The following CD96 variants were observed in gnomAD, a reference collection of about 807,000 sequenced individuals.
CD96 encodes CD96 molecule, also known as T-cell surface protein tactile.
CD96 carries 70 observed loss-of-function variants against 71.3 expected under a neutral mutation model. The ratio of observed to expected loss-of-function variants is 0.98; its 90% confidence interval spans 0.81 to 1.20. The LOEUF is 1.20. Among genes scored for constraint, CD96 ranks in the 50% most tolerant of loss-of-function variants. CD96 has a pLI of 0.00. For synonymous variants in CD96, 248 were observed against 233.0 expected (o/e 1.06, Z -0.59); for missense variants, 742 against 677.5 (o/e 1.10, Z -1.06).
At chr3:111,594,213 T>G in intron 5 of CD96, 1 of 1,574,346 alleles carries the variant, frequency 6.4e-7, no homozygotes, top group Non-Finnish European at 8.6e-7. Flanking sequence ...TCACCTCTTC[T>G]ACAGCGTTCT....
At chr3:111,616,024 G>A (rs749980406) in intron 8 of CD96, among the ~76,000 whole-genome samples, 5 of 152,036 alleles carry the variant, frequency 3.3e-5, no homozygotes, top group Admixed American at 2.6e-4. Context: ...CCTTCTCGAT[G>A]AGGTACTCCA....
At chr3:111,659,517 G>A (rs1049705567) in intron 14 of CD96, among the ~76,000 whole-genome samples, 7 of 152,088 alleles carry the variant, frequency 4.6e-5, no homozygotes, top group Non-Finnish European at 1.0e-4. Flanking sequence ...TCTTAACACT[G>A]CTTTGGCTGC....
At chr3:111,643,735 C>CAAAAAAAAAA (rs56078551) in intron 12 of CD96, among the ~76,000 whole-genome samples, 1 of 128,240 alleles carries the variant, frequency 7.8e-6, no homozygotes, top group African/African-American at 3.0e-5. Context: ...ACAATAGCTG[C>CAAAAAAAAAA]AAAAAAAAAA....
intron 2 of CD96, among the ~76,000 whole-genome samples, chr3:111,548,279 G>C (rs1245798178): frequency 6.6e-6 from 1 of 152,176 alleles, no homozygotes; most frequent in Non-Finnish European, 1.5e-5. Context: ...TCACAACACA[G>C]TGTGTGTCTA....
chr3:111,647,807 A>G, intron 13 of CD96, 141 bp downstream of exon 13: 1 of 682,410 alleles, frequency 1.5e-6, no homozygotes, highest in Admixed American at 2.2e-5. Flanking sequence ...GAGAGATTAT[A>G]TAGCTTTCCC....
chr3:111,582,240 G>A (rs945684645), intron 4 of CD96, among the ~76,000 whole-genome samples: 2 of 152,168 alleles, frequency 1.3e-5, no homozygotes, highest in Non-Finnish European at 2.9e-5. Flanking sequence ...GCTAGTGGCT[G>A]TAGCAGGCAC....
At chr3:111,579,892 A>G (rs1936390485) in intron 4 of CD96, among the ~76,000 whole-genome samples, 1 of 152,222 alleles carries the variant, frequency 6.6e-6, no homozygotes, top group Non-Finnish European at 1.5e-5. Context: ...TCAAACCATA[A>G]CAGACAGAAC....
At chr3:111,553,182 T>C (rs548802532) in intron 2 of CD96, among the ~76,000 whole-genome samples, 1 of 150,714 alleles carries the variant, frequency 6.6e-6, no homozygotes, top group Non-Finnish European at 1.5e-5. Flanking sequence ...TTTTTTTTTT[T>C]AAATTAGGAT....
In CD96 at chr3:111,542,258, A is replaced by T; in HGVS notation, c.10A>T (p.Lys4Ter). Residue 4 changes from lysine (K) to a stop codon, truncating the protein, a stop_gained, in exon 1 of 14, where the codon AAA (lysine) becomes TAA (stop). Transcript: ENST00000352690. LOFTEE classifies it high-confidence loss of function. ...AGGTGTTCAGAAGACAATGGAGAAA[A>T]AATGGAAATACTGTGCTGTCTATTA... MEK[K>*]WKYCAVYYII... is the part of the protein sequence containing the mutation. The T allele has an allele frequency of 6.2e-7, 1 of 1,613,476 alleles. No homozygotes were observed. Among genetic ancestry groups the T allele is most frequent in the Non-Finnish European group, 8.5e-7 (1 of 1,179,404 alleles).
At chr3:111,563,653 C>G (rs1935564294) in intron 2 of CD96, among the ~76,000 whole-genome samples, 1 of 152,094 alleles carries the variant, frequency 6.6e-6, no homozygotes, top group Non-Finnish European at 1.5e-5. Context: ...CCTCATGTCC[C>G]CATAACCAGA....
intron 3 of CD96, among the ~76,000 whole-genome samples, chr3:111,573,098 A>G (rs1936060488): frequency 6.6e-6 from 1 of 152,236 alleles, no homozygotes; most frequent in Non-Finnish European, 1.5e-5. Context: ...GAATATGTGT[A>G]CTTAGATGGG....
intron 3 of CD96, chr3:111,570,988 A>T: frequency 1.3e-6 from 2 of 1,499,002 alleles, no homozygotes; most frequent in Non-Finnish European, 1.9e-6. Flanking sequence ...AAAAGCTGGG[A>T]GGGCATCTCC....
chr3:111,549,272 A>T (rs899754112), intron 2 of CD96, among the ~76,000 whole-genome samples: 1 of 151,864 alleles, frequency 6.6e-6, no homozygotes, highest in African/African-American at 2.4e-5. Context: ...CAAAGGTTCT[A>T]TGGGGGAAGG....
intron 12 of CD96, among the ~76,000 whole-genome samples, chr3:111,642,584 G>A (rs9859457): frequency 0.025 from 3,874 of 152,182 alleles, 162 homozygotes; most frequent in African/African-American, 0.086. Context: ...TGAAGCCAGT[G>A]GATCATGAGG....
rs1052645902 is a variant in CD96 at position 111,593,668 on chromosome 3, C to G, written c.808-4452C>G. 3 of 1,611,460 alleles carry G rather than the reference C, an allele frequency of 1.9e-6. No individual in the cohort carries two copies. The African/African-American group carries it at 4.0e-5, about 22-fold the overall frequency. On this transcript the variant is annotated intron_variant, in intron 5 of 13. Coordinates refer to ENST00000352690, the MANE Select transcript of CD96 (RefSeq NM_005816.5). ...CCCTTTCCACCTCCTCCAGGGCTCG[C>G]TCCCTTTTTTCCACAGCCCTCTCCC...
intron 5 of CD96, among the ~76,000 whole-genome samples, chr3:111,586,767 C>G (rs1936733393): frequency 6.6e-6 from 1 of 152,182 alleles, no homozygotes; most frequent in South Asian, 2.1e-4. Flanking sequence ...CCCCATGCTT[C>G]AATTACCTCC....
chr3:111,637,711 A>T (rs1401957027), intron 11 of CD96, among the ~76,000 whole-genome samples: 1 of 151,562 alleles, frequency 6.6e-6, no homozygotes, highest in Non-Finnish European at 1.5e-5. Context: ...ACGACCCCCA[A>T]CTCTGGCCTT....
chr3:111,580,434 A>G (rs1298925520), intron 4 of CD96, among the ~76,000 whole-genome samples: 3 of 146,444 alleles, frequency 2.0e-5, no homozygotes, highest in Non-Finnish European at 4.5e-5. Context: ...AAAGAAGGCA[A>G]AGAGAAAAGC....
At chr3:111,583,938 A>T (rs189599999) in intron 4 of CD96, among the ~76,000 whole-genome samples, 160 of 152,304 alleles carry the variant, frequency 1.1e-3, no homozygotes, top group African/African-American at 3.7e-3. Context: ...TACTTATGCA[A>T]ATTTCGGCAG....
Sources: gnomAD v4.1 joint callset for allele counts (sites outside exome capture counted in the v4.1 genomes callset) on GRCh38, gnomAD v4.1.1 for gene constraint, MANE v1.5 for transcripts, NCBI Gene and HGNC (gene_info 2026-07-23, HGNC 2026-07-21) for gene names.